The following SYN3 variants were observed in gnomAD, a reference collection of about 807,000 sequenced individuals.
SYN3 encodes the protein synapsin-3.
SYN3 carries 35 observed loss-of-function variants against 65.8 expected under a neutral mutation model. The observed-to-expected ratio is 0.53, with a 90% CI of 0.41 to 0.70. The LOEUF (loss-of-function observed/expected upper bound fraction) is 0.70, where lower values mean the gene tolerates loss of function less well. SYN3 is among the 30% of genes least tolerant of loss of function. The pLI is 0.00. For missense variants in SYN3, 680 were observed against 749.0 expected (o/e 0.91, Z 1.08); for synonymous variants, 270 against 292.9 (o/e 0.92, Z 0.80).
chr22:32,731,241 C>T (rs2061266672), intron 6 of SYN3, among the ~76,000 whole-genome samples: 2 of 152,150 alleles, frequency 1.3e-5, no homozygotes, highest in Admixed American at 6.5e-5. Context: ...AAGAGCTGCC[C>T]TTTGGTGTGT....
intron 12 of SYN3, among the ~76,000 whole-genome samples, chr22:32,522,534 G>A (rs1456089886): frequency 1.3e-5 from 2 of 152,048 alleles, no homozygotes; most frequent in East Asian, 1.9e-4. Flanking sequence ...ATGTAGTTTC[G>A]GAACACTTAT....
chr22:32,838,704 T>A (rs1439195725), intron 6 of SYN3, among the ~76,000 whole-genome samples: 1 of 152,034 alleles, frequency 6.6e-6, no homozygotes, highest in African/African-American at 2.4e-5. Flanking sequence ...AGTAACTCTA[T>A]GGAACAAGGA....
At chr22:32,951,183 C>T (rs2051278298) in intron 3 of SYN3, among the ~76,000 whole-genome samples, 1 of 152,156 alleles carries the variant, frequency 6.6e-6, no homozygotes, top group African/African-American at 2.4e-5. Flanking sequence ...TACTCTGATG[C>T]CTCCCCCCAT....
chr22:32,765,620 T>C (rs536416585), intron 6 of SYN3, among the ~76,000 whole-genome samples: 1 of 152,202 alleles, frequency 6.6e-6, no homozygotes, highest in South Asian at 2.1e-4. Context: ...AAACGGAAAC[T>C]ACTCCTGGGA....
At chr22:32,945,504 C>T (rs1451506844) in intron 3 of SYN3, among the ~76,000 whole-genome samples, 658 of 119,596 alleles carry the variant, frequency 5.5e-3, no homozygotes, top group South Asian at 7.7e-3. Flanking sequence ...AAAGCTGAAA[C>T]TGGATCCCTT....
At position 32,822,108 on chromosome 22, in the gene SYN3, T is replaced by C. The variant is rs186062703; in HGVS notation, c.711+42807A>G. On this transcript the variant is annotated intron_variant, in intron 6 of 13. Transcript: ENST00000358763. The stretch of plus-strand genomic sequence containing the variant: ...AGGCAGAGGTTGCAATGAGCCGAGA[T>C]CGCACCATTGCACTCCAGCCTGGGC... Among the ~76,000 whole-genome samples the C allele has an allele frequency of 5.9e-3, 854 of 143,980 alleles. 10 individuals are homozygous for C. The highest frequency in any genetic ancestry group is 0.019 in the African/African-American group (738 of 38,176). The allele number at this position is 143,980 out of a possible 152,430, so 94.5% of individuals were successfully genotyped here.
At chr22:33,004,469 A>G (rs1456060223) in intron 2 of SYN3, among the ~76,000 whole-genome samples, 3 of 152,230 alleles carry the variant, frequency 2.0e-5, no homozygotes, top group Admixed American at 1.3e-4. Context: ...GAGCTTTAGG[A>G]TTTAATTACT....
intron 6 of SYN3, among the ~76,000 whole-genome samples, chr22:32,619,509 G>A (rs970513370): frequency 6.6e-6 from 1 of 152,106 alleles, no homozygotes; most frequent in African/African-American, 2.4e-5. Context: ...GAGGGTCTAG[G>A]ACAAACCCAT....
rs755973486 is a variant in SYN3, at chr22:32,513,719, C to T, written c.1716G>A (p.Lys572=). 4.3e-6 allele frequency: 7 copies of T among 1,614,218 alleles called. No homozygotes were observed. In the East Asian group the frequency reaches 1.6e-4, roughly 36 times the overall value. The change falls in exon 14 of 14, where the codon AAG becomes AAA. Residue 572 remains lysine (K), a synonymous_variant. Coordinates refer to ENST00000358763, the MANE Select transcript of SYN3 (RefSeq NM_003490.4). ...AGTCAGAGAACAGGCTGGCAAAAGACTTCCTCAGGTTGCGGATGGTTTCAG... is the reference window on the plus strand; with the variant it reads ...AGTCAGAGAACAGGCTGGCAAAAGATTTCCTCAGGTTGCGGATGGTTTCAG... The part of the protein sequence containing the change: ...AKAETIRNLR[K]SFASLFSD
chr22:32,609,348 A>T (rs1433598931), intron 6 of SYN3, among the ~76,000 whole-genome samples: 2 of 152,080 alleles, frequency 1.3e-5, no homozygotes, highest in Non-Finnish European at 2.9e-5. Context: ...AATAAATAAA[A>T]TAAAATAAAG....
rs1187746462 is a variant in SYN3 at position 32,859,307 on chromosome 22, G to A, written c.711+5608C>T. ...CACTACGCCTGCATCCGGCAGAAGG[G>A]CGGCTACTGCAGCTGGTACCGAGGA... On this transcript the variant is annotated intron_variant, in intron 6 of 13. Transcript: ENST00000358763. 11 of 1,614,006 alleles carry A rather than the reference G, an allele frequency of 6.8e-6. No individual in the cohort carries two copies. In the African/African-American group the frequency reaches 1.2e-4, roughly 18 times the overall value.
chr22:32,567,565 A>C (rs1435031006), intron 7 of SYN3, among the ~76,000 whole-genome samples: 2 of 152,166 alleles, frequency 1.3e-5, no homozygotes, highest in Admixed American at 6.5e-5. Flanking sequence ...GGGCCTCAGA[A>C]CATTAGCTAA....
At chr22:32,716,289 C>T (rs1200717258) in intron 6 of SYN3, among the ~76,000 whole-genome samples, 1 of 152,064 alleles carries the variant, frequency 6.6e-6, no homozygotes, top group Non-Finnish European at 1.5e-5. Context: ...GCACATATCT[C>T]TGTGTATGTG....
At chr22:32,714,678 C>T (rs921844709) in intron 6 of SYN3, among the ~76,000 whole-genome samples, 1 of 151,810 alleles carries the variant, frequency 6.6e-6, no homozygotes, top group East Asian at 1.9e-4. Flanking sequence ...AAAATGATTA[C>T]CTAAATCTTG....
At chr22:32,563,539 T>A (rs1245967346) in intron 7 of SYN3, among the ~76,000 whole-genome samples, 5 of 152,196 alleles carry the variant, frequency 3.3e-5, no homozygotes, top group Admixed American at 3.3e-4. Context: ...GCCTGGCATG[T>A]TCCGGGATTG....
intron 6 of SYN3, chr22:32,833,950 G>A (rs2047654142): frequency 2.1e-6 from 1 of 485,060 alleles, no homozygotes; most frequent in African/African-American, 2.0e-5. Context: ...TTATAATTAG[G>A]GAAAGTGGGG....
intron 6 of SYN3, among the ~76,000 whole-genome samples, chr22:32,833,468 G>A (rs2047637836): frequency 6.6e-6 from 1 of 152,188 alleles, no homozygotes; most frequent in South Asian, 2.1e-4. Context: ...GCTGACCTAG[G>A]TCAGAGATGG....
intron 6 of SYN3, among the ~76,000 whole-genome samples, chr22:32,768,432 C>A (rs986573330): frequency 1.3e-5 from 2 of 152,088 alleles, no homozygotes; most frequent in Non-Finnish European, 2.9e-5. Flanking sequence ...CTTTATATTT[C>A]TTTCCTGGGA....
intron 3 of SYN3, among the ~76,000 whole-genome samples, chr22:32,977,939 G>A (rs2052255896): frequency 6.6e-6 from 1 of 152,112 alleles, no homozygotes; most frequent in Non-Finnish European, 1.5e-5. Context: ...CTCAAAATGT[G>A]TGGCTAGAAA....
Sources: gnomAD v4.1 joint callset for allele counts (sites outside exome capture counted in the v4.1 genomes callset) on GRCh38, gnomAD v4.1.1 for gene constraint, MANE v1.5 for transcripts, NCBI Gene and HGNC (gene_info 2026-07-23, HGNC 2026-07-21) for gene names.